The following WDR7 variants were observed in gnomAD, a reference collection of about 807,000 sequenced individuals.
The protein encoded by WDR7 is WD repeat-containing protein 7.
A neutral mutation model predicts 169.4 loss-of-function variants in WDR7; 46 were observed. The ratio of observed to expected loss-of-function variants is 0.27; its 90% CI spans 0.21 to 0.35. The LOEUF (loss-of-function observed/expected upper bound fraction) is 0.35. Ranked by LOEUF, WDR7 falls within the 10% of genes least tolerant of loss-of-function variation. WDR7 has a pLI of 1.00. For synonymous variants in WDR7, 612 were observed against 666.8 expected (o/e 0.92, Z 1.27); for missense variants, 1,534 against 1,859.3 (o/e 0.83, Z 3.22).
At chr18:56,674,420 G>A (rs1234928344) in intron 2 of WDR7, among the ~76,000 whole-genome samples, 3 of 151,908 alleles carry the variant, frequency 2.0e-5, no homozygotes, top group South Asian at 2.1e-4. Context: ...CTCATTGGCC[G>A]TTTGTATATC....
chr18:56,707,989 T>C (rs1368035743), intron 12 of WDR7, among the ~76,000 whole-genome samples: 1 of 152,070 alleles, frequency 6.6e-6, no homozygotes, highest in East Asian at 1.9e-4. Context: ...GAGAAAGTTT[T>C]CTGTGGCTGT....
chr18:56,806,604 G>A (rs1208510111), intron 19 of WDR7, among the ~76,000 whole-genome samples: 1 of 152,102 alleles, frequency 6.6e-6, no homozygotes, highest in African/African-American at 2.4e-5. Context: ...CATTCACCGA[G>A]TCCCTCCAAG....
At chr18:56,933,294 A>G (rs1045952566) in intron 22 of WDR7, among the ~76,000 whole-genome samples, 1 of 152,296 alleles carries the variant, frequency 6.6e-6, no homozygotes, top group Non-Finnish European at 1.5e-5. Flanking sequence ...TATGTTTCAG[A>G]TGCAATCCTC....
chr18:56,955,478 C>G (rs2047238168), intron 25 of WDR7, among the ~76,000 whole-genome samples: 1 of 152,064 alleles, frequency 6.6e-6, no homozygotes, highest in Admixed American at 6.6e-5. Flanking sequence ...CAATTATTAT[C>G]AGGTTTATAC....
chr18:56,881,574 T>C (rs751389460), intron 21 of WDR7, among the ~76,000 whole-genome samples: 2 of 152,158 alleles, frequency 1.3e-5, no homozygotes, highest in Non-Finnish European at 2.9e-5. Context: ...AAGGGCTTAA[T>C]GACTAATATG....
In WDR7 at chr18:56,925,682, A is replaced by G. The variant is rs77852916; in HGVS notation, c.3713+1574A>G. On this transcript the variant is annotated intron_variant, in intron 22 of 27. Transcript: ENST00000254442. The stretch of plus-strand genomic sequence containing the variant: ...GCTCTATGCTCAGGAAGTAGAGACC[A>G]GAGAAGCAATTGAAGGCTAGAATGG... Among the ~76,000 whole-genome samples the G allele has an allele frequency of 4.9e-3, 749 of 152,328 alleles. 9 individuals are homozygous for G. The highest frequency in any genetic ancestry group is 0.017 in the African/African-American group (715 of 41,570).
intron 13 of WDR7, among the ~76,000 whole-genome samples, chr18:56,724,546 C>T (rs969133918): frequency 2.0e-5 from 3 of 151,626 alleles, no homozygotes; most frequent in Admixed American, 6.6e-5. Flanking sequence ...CACCAGATAT[C>T]GTGAACTTTA....
intron 21 of WDR7, among the ~76,000 whole-genome samples, chr18:56,903,855 A>AT (rs1277483669): frequency 6.6e-6 from 1 of 152,152 alleles, no homozygotes; most frequent in Non-Finnish European, 1.5e-5. Context: ...AAATGAAGTT[A>AT]TTTTAAAAAT....
chr18:56,694,708 G>A lies in WDR7; in HGVS notation c.1056G>A (p.Arg352=), dbSNP rs756833373. Residue 352 remains arginine, a synonymous_variant, in exon 10 of 28, where the codon AGG becomes AGA. Transcript: ENST00000254442. ...TAATTCAGGGTGATTCTTCTGGAAG[G>A]TTGAATATTTGGAACATATCAGACA... is the stretch of plus-strand genomic sequence containing the variant. The part of the protein sequence containing the change: ...KLLIQGDSSG[R]LNIWNISDTA... 6.2e-7 allele frequency: 1 copy of A among 1,613,494 alleles called. No homozygotes were observed. The highest frequency in any genetic ancestry group is 1.1e-5 in the South Asian group (1 of 91,000).
At chr18:57,005,358 T>A (rs902036468) in intron 26 of WDR7, among the ~76,000 whole-genome samples, 1 of 152,188 alleles carries the variant, frequency 6.6e-6, no homozygotes, top group Non-Finnish European at 1.5e-5. Context: ...CATGTAATGT[T>A]ATAATTTTAA....
At chr18:56,988,935 A>T (rs2047770086) in intron 26 of WDR7, among the ~76,000 whole-genome samples, 1 of 151,876 alleles carries the variant, frequency 6.6e-6, no homozygotes, top group Admixed American at 6.6e-5. Context: ...AGGGAAGAAT[A>T]ATTTATGTTT....
At chr18:56,708,607 G>A (rs1335193992) in intron 12 of WDR7, among the ~76,000 whole-genome samples, 1 of 152,070 alleles carries the variant, frequency 6.6e-6, no homozygotes, top group Non-Finnish European at 1.5e-5. Flanking sequence ...TGTGGAGAGT[G>A]GAAAGGGGCA....
At chr18:56,725,467 G>A (rs1303735879) in intron 13 of WDR7, among the ~76,000 whole-genome samples, 14 of 152,152 alleles carry the variant, frequency 9.2e-5, no homozygotes, top group African/African-American at 3.4e-4. Context: ...AGAAGTGTCT[G>A]TTCATATACT....
chr18:56,840,696 G>A (rs1242253818), intron 20 of WDR7, among the ~76,000 whole-genome samples: 1 of 151,676 alleles, frequency 6.6e-6, no homozygotes, highest in Non-Finnish European at 1.5e-5. Context: ...GCGTGTGCTG[G>A]TAGTCCCAGC....
chr18:56,776,734 CT>C (rs760391169), intron 16 of WDR7, 47 bp from the exon 17 acceptor site: 6 of 1,530,366 alleles, frequency 3.9e-6, no homozygotes, highest in Non-Finnish European at 5.4e-6. Flanking sequence ...TCAGAAACTG[CT>C]GTACTTCAAT....
chr18:56,947,767 A>G (rs1384046968), intron 25 of WDR7, among the ~76,000 whole-genome samples: 1 of 152,256 alleles, frequency 6.6e-6, no homozygotes, highest in Non-Finnish European at 1.5e-5. Context: ...TGTTCTGCAC[A>G]GATGCTACTG....
intron 21 of WDR7, among the ~76,000 whole-genome samples, chr18:56,915,113 G>A (rs1383103527): frequency 6.6e-6 from 1 of 152,208 alleles, no homozygotes; most frequent in African/African-American, 2.4e-5. Flanking sequence ...TTATTTTTAT[G>A]CAGTACAGGA....
intron 14 of WDR7, among the ~76,000 whole-genome samples, chr18:56,740,521 AG>A (rs1449201648): frequency 6.6e-6 from 1 of 152,146 alleles, no homozygotes; most frequent in African/African-American, 2.4e-5. Context: ...CCTCTTCTAG[AG>A]GGGGCTCACC....
chr18:56,779,761 A>T (rs2044290942), intron 18 of WDR7, among the ~76,000 whole-genome samples: 1 of 152,206 alleles, frequency 6.6e-6, no homozygotes, highest in African/African-American at 2.4e-5. Flanking sequence ...CTTTTAAAGA[A>T]TTCAGTGACT....
Sources: allele counts gnomAD v4.1 joint callset (sites outside exome capture counted in the v4.1 genomes callset), GRCh38; gene constraint gnomAD v4.1.1; transcripts MANE v1.5; gene names NCBI Gene and HGNC (gene_info 2026-07-23, HGNC 2026-07-21).